The following WNK3 variants were observed in gnomAD, a reference collection of about 807,000 sequenced individuals.
The protein encoded by WNK3 is serine/threonine-protein kinase WNK3.
WNK3 carries 18 observed loss-of-function variants against 116.7 expected under a neutral mutation model. That is an observed-to-expected ratio of 0.15 (90% CI 0.11 to 0.23). The LOEUF (loss-of-function observed/expected upper bound fraction) is 0.23, where lower values mean the gene tolerates loss of function less well. Among genes scored for constraint, WNK3 ranks in the 10% least tolerant of loss-of-function variants. The probability of loss-of-function intolerance (pLI) is 1.00; values close to 1 mark genes in which losing one functional copy is unlikely to be tolerated. For synonymous variants in WNK3, 404 were observed against 469.4 expected (o/e 0.86, Z 1.80); for missense variants, 993 against 1,323.8 (o/e 0.75, Z 3.88).
chrX:54,245,265 T>C (rs2068064180), intron 17 of WNK3, among the ~76,000 whole-genome samples: 1 of 107,442 alleles, frequency 9.3e-6, no homozygotes, highest in African/African-American at 3.4e-5. Context: ...GGCAGGAGCA[T>C]TGCTTGAGGC....
chrX:54,345,769 G>C (rs1483679193), intron 1 of WNK3, among the ~76,000 whole-genome samples: 2 of 101,520 alleles, frequency 2.0e-5, no homozygotes, highest in African/African-American at 7.2e-5. Context: ...CTGGGCGACA[G>C]AGTGAGACTC....
intron 10 of WNK3, among the ~76,000 whole-genome samples, chrX:54,270,248 G>C (rs1219120209): frequency 4.6e-5 from 5 of 109,660 alleles, no homozygotes; most frequent in Non-Finnish European, 9.5e-5. Context: ...TAGGACTACA[G>C]GCATGCACCA....
At chrX:54,306,407 G>T (rs192601074) in intron 5 of WNK3, among the ~76,000 whole-genome samples, 1 of 111,942 alleles carries the variant, frequency 8.9e-6, no homozygotes, top group African/African-American at 3.2e-5. Context: ...ATGTTCATCA[G>T]TGAATGAATA....
intron 13 of WNK3, among the ~76,000 whole-genome samples, chrX:54,253,697 T>C (rs782155092): frequency 2.7e-5 from 3 of 112,334 alleles, no homozygotes; most frequent in Non-Finnish European, 3.8e-5. Context: ...GCTTGTCAGG[T>C]GATTTTCACA....
chrX:54,316,753 T>C (rs1208759257), intron 2 of WNK3, among the ~76,000 whole-genome samples: 1 of 109,895 alleles, frequency 9.1e-6, no homozygotes, highest in African/African-American at 3.3e-5. Flanking sequence ...TCACACCCAT[T>C]AGGATGGCTA....
intron 17 of WNK3, 99 bp from the exon 18 acceptor site, chrX:54,239,198 G>T: frequency 4.0e-6 from 2 of 504,846 alleles, no homozygotes; most frequent in Non-Finnish European, 5.6e-6. Flanking sequence ...GTAAGGTGAA[G>T]CTTTTAAAAA....
At chrX:54,272,409 C>T (rs1161250074) in intron 10 of WNK3, among the ~76,000 whole-genome samples, 2 of 108,170 alleles carry the variant, frequency 1.8e-5, no homozygotes. Flanking sequence ...GATAGTGCCA[C>T]TGCACTAGGT....
chrX:54,278,095 GA>G (rs556765360), intron 10 of WNK3, among the ~76,000 whole-genome samples: 1,695 of 55,524 alleles, frequency 0.031, 14 homozygotes, highest in African/African-American at 0.065. Context: ...CCCTGCCTCA[GA>G]AAAAAAAAAA....
intron 2 of WNK3, among the ~76,000 whole-genome samples, chrX:54,326,349 C>A: frequency 9.0e-6 from 1 of 111,372 alleles, no homozygotes; most frequent in Non-Finnish European, 1.9e-5. Context: ...CTCGGCCTTC[C>A]AAAGTGCTGG....
intron 10 of WNK3, among the ~76,000 whole-genome samples, chrX:54,291,200 C>T (rs1442620867): frequency 9.1e-6 from 1 of 110,387 alleles, no homozygotes; most frequent in African/African-American, 3.3e-5. Flanking sequence ...GTAGTCCCAC[C>T]TACTCGGGAG....
intron 10 of WNK3, among the ~76,000 whole-genome samples, chrX:54,280,234 T>A (rs990974642): frequency 9.1e-6 from 1 of 109,583 alleles, no homozygotes; most frequent in Non-Finnish European, 1.9e-5. Context: ...GGAGCGGAGA[T>A]TGCAGAGAGC....
At chrX:54,327,542 G>A (rs1435369477) in intron 2 of WNK3, among the ~76,000 whole-genome samples, 6 of 111,513 alleles carry the variant, frequency 5.4e-5, no homozygotes, top group Admixed American at 1.9e-4. Context: ...AATCAAACAC[G>A]CAAAAATAAA....
chrX:54,333,574 T>C (rs1557174790), exon 2 of WNK3: 1 of 1,209,018 alleles, frequency 8.3e-7, no homozygotes, highest in South Asian at 1.8e-5. Context: ...GCTTCTACTG[T>C]CAAAGTTGCA....
intron 23 of WNK3, 48 bp from the exon 24 acceptor site, chrX:54,198,701 A>T: frequency 1.0e-6 from 1 of 956,132 alleles, no homozygotes; most frequent in Non-Finnish European, 1.4e-6. Flanking sequence ...TTTGGTATAG[A>T]CTTTTATCAG....
chrX:54,354,472 C>T (rs1223761172), intron 1 of WNK3, among the ~76,000 whole-genome samples: 2 of 110,581 alleles, frequency 1.8e-5, no homozygotes, highest in Non-Finnish European at 3.8e-5. Flanking sequence ...TCCTTCCCCA[C>T]GAAAACATAC....
chrX:54,282,201 T>A (rs1004681359), intron 10 of WNK3, among the ~76,000 whole-genome samples: 1 of 109,069 alleles, frequency 9.2e-6, no homozygotes, highest in Non-Finnish European at 1.9e-5. Flanking sequence ...CCACCACACC[T>A]AGCTAATTTT....
At position 54,283,766 on chromosome X, in the gene WNK3, C is replaced by CAA. The variant is rs782377430; in HGVS notation, c.2037+9120_2037+9121dup. Among the ~76,000 whole-genome samples the CAA allele has an allele frequency of 5.1e-3, 119 of 23,133 alleles. 1 individual carries two copies. Among genetic ancestry groups the CAA allele is most frequent in the Middle Eastern group, 0.034 (2 of 58 alleles). 20.1% of individuals were successfully genotyped at this position (23,133 alleles called of 115,157 possible). ...CCTGGGCGACAGAACAAGACTGTCT[C>CAA]AAAAAAAAAAAAAAAAAAAAAAAGA... is the stretch of plus-strand genomic sequence containing the variant. On this transcript the variant is annotated intron_variant, in intron 10 of 23. Coordinates refer to ENST00000354646, the Ensembl canonical transcript of WNK3.
At chrX:54,258,477 G>A (rs1245563312) in intron 11 of WNK3, among the ~76,000 whole-genome samples, 1 of 107,723 alleles carries the variant, frequency 9.3e-6, no homozygotes, top group African/African-American at 3.4e-5. Flanking sequence ...GGGATTACAG[G>A]CGTACATCAC....
chrX:54,249,605 A>G (rs1557153672), exon 17 of WNK3: 2 of 1,209,600 alleles, frequency 1.7e-6, no homozygotes, highest in Non-Finnish European at 2.2e-6. Flanking sequence ...GTGTCCCGTG[A>G]TATTTCCTTA....
Sources: gnomAD v4.1 joint callset for allele counts (sites outside exome capture counted in the v4.1 genomes callset) on GRCh38, gnomAD v4.1.1 for gene constraint, MANE v1.5 for transcripts, NCBI Gene and HGNC (gene_info 2026-07-23, HGNC 2026-07-21) for gene names.